ANKS1B: variants seen among roughly 807,000 people sequenced by gnomAD.
ANKS1B encodes the protein ankyrin repeat and sterile alpha motif domain-containing protein 1B.
In ANKS1B, 36 loss-of-function variants were observed where a neutral mutation model predicts 148.3. The ratio of observed to expected loss-of-function variants is 0.24; its 90% CI spans 0.19 to 0.32. ANKS1B has a LOEUF of 0.32. ANKS1B is among the 10% of genes least tolerant of loss of function. The pLI is 1.00. For missense variants in ANKS1B, 1,157 were observed against 1,542.6 expected (o/e 0.75, Z 4.19); for synonymous variants, 542 against 560.8 (o/e 0.97, Z 0.47).
At chr12:99,572,478 C>T (rs2097467705) in intron 9 of ANKS1B, among the ~76,000 whole-genome samples, 2 of 151,922 alleles carry the variant, frequency 1.3e-5, no homozygotes, top group Non-Finnish European at 2.9e-5. Context: ...AGATATAAGC[C>T]ATGCAATTTT....
chr12:98,912,112 C>T (rs1429542333), intron 17 of ANKS1B, among the ~76,000 whole-genome samples: 2 of 152,202 alleles, frequency 1.3e-5, no homozygotes, highest in Admixed American at 6.5e-5. Context: ...GTACTTACTT[C>T]TCACCAGAAC....
At chr12:98,928,323 G>A (rs779001960) in intron 17 of ANKS1B, among the ~76,000 whole-genome samples, 6 of 150,922 alleles carry the variant, frequency 4.0e-5, no homozygotes, top group South Asian at 2.1e-4. Flanking sequence ...AGAAGTCTAG[G>A]CCAAAATGGC....
chr12:98,946,300 A>G (rs2099845441), intron 17 of ANKS1B, among the ~76,000 whole-genome samples: 1 of 152,202 alleles, frequency 6.6e-6, no homozygotes, highest in Non-Finnish European at 1.5e-5. Context: ...AGGGAGGTGG[A>G]GCTCCTTCCC....
chr12:98,937,500 C>T (rs2099819909), intron 17 of ANKS1B, among the ~76,000 whole-genome samples: 1 of 152,066 alleles, frequency 6.6e-6, no homozygotes, highest in African/African-American at 2.4e-5. Context: ...TTTGCTTATA[C>T]TACTCTTTTT....
At chr12:99,538,602 T>C (rs1039486041) in intron 9 of ANKS1B, among the ~76,000 whole-genome samples, 2 of 152,214 alleles carry the variant, frequency 1.3e-5, no homozygotes, top group African/African-American at 4.8e-5. Flanking sequence ...TAATTTTGTA[T>C]CCTGCTACTT....
chr12:99,414,741 T>A (rs920831958), intron 11 of ANKS1B, among the ~76,000 whole-genome samples: 1 of 152,160 alleles, frequency 6.6e-6, no homozygotes, highest in Non-Finnish European at 1.5e-5. Flanking sequence ...AAATGATGTG[T>A]TGATGGGTGC....
chr12:99,552,807 C>T (rs957703712), intron 9 of ANKS1B, among the ~76,000 whole-genome samples: 3 of 152,144 alleles, frequency 2.0e-5, no homozygotes, highest in Admixed American at 6.5e-5. Flanking sequence ...AACATGCTCA[C>T]GTATACTTTA....
intron 14 of ANKS1B, among the ~76,000 whole-genome samples, chr12:99,236,913 C>G (rs569432559): frequency 1.2e-4 from 18 of 152,172 alleles, no homozygotes; most frequent in African/African-American, 4.1e-4. Flanking sequence ...AACACATGGA[C>G]ACACAGAGGG....
At chr12:99,633,609 T>C (rs1270802307) in intron 9 of ANKS1B, among the ~76,000 whole-genome samples, 1 of 152,118 alleles carries the variant, frequency 6.6e-6, no homozygotes, top group East Asian at 1.9e-4. Flanking sequence ...CCAAAAGCAA[T>C]GGCAATAAAA....
At chr12:99,334,779 TC>T (rs2088426777) in intron 12 of ANKS1B, among the ~76,000 whole-genome samples, 2 of 152,150 alleles carry the variant, frequency 1.3e-5, no homozygotes, top group Non-Finnish European at 2.9e-5. Flanking sequence ...ATAAATTTTT[TC>T]TTCCTTTACG....
At chr12:99,753,483 C>T (rs769954838) in intron 8 of ANKS1B, among the ~76,000 whole-genome samples, 43 of 152,168 alleles carry the variant, frequency 2.8e-4, no homozygotes, top group Middle Eastern at 3.4e-3. Flanking sequence ...TAAAATAAGG[C>T]TCAATATTGT....
At chr12:99,546,862 A>C (rs2097176814) in intron 9 of ANKS1B, among the ~76,000 whole-genome samples, 1 of 152,182 alleles carries the variant, frequency 6.6e-6, no homozygotes, top group African/African-American at 2.4e-5. Context: ...AATTAGTTCC[A>C]GGGTACATGC....
chr12:99,366,563 G>A (rs2092780612), intron 12 of ANKS1B, among the ~76,000 whole-genome samples: 1 of 152,084 alleles, frequency 6.6e-6, no homozygotes, highest in South Asian at 2.1e-4. Flanking sequence ...TAGAAATTGG[G>A]TATATGACAA....
intron 9 of ANKS1B, among the ~76,000 whole-genome samples, chr12:99,518,708 T>C (rs2153052407): frequency 6.6e-6 from 1 of 152,228 alleles, no homozygotes; most frequent in Middle Eastern, 3.4e-3. Flanking sequence ...TTGTATGGAT[T>C]TCTTCATCTC....
At chr12:99,651,166 C>T (rs1367982298) in intron 9 of ANKS1B, among the ~76,000 whole-genome samples, 1 of 151,904 alleles carries the variant, frequency 6.6e-6, no homozygotes, top group African/African-American at 2.4e-5. Context: ...ACCAGTAGAC[C>T]CTCACAGCGC....
intron 17 of ANKS1B, among the ~76,000 whole-genome samples, chr12:98,926,669 A>G (rs1022363046): frequency 1.3e-5 from 2 of 152,194 alleles, no homozygotes; most frequent in Non-Finnish European, 2.9e-5. Flanking sequence ...ACGTTTTGGC[A>G]AATAGAGAAT....
intron 12 of ANKS1B, among the ~76,000 whole-genome samples, chr12:99,390,877 T>C (rs978199499): frequency 2.6e-5 from 4 of 152,168 alleles, no homozygotes; most frequent in African/African-American, 7.2e-5. Context: ...CTGCAGAGGC[T>C]AGGAAAGACA....
rs559274765 is a variant in ANKS1B at position 99,367,979 on chromosome 12, T to G, written c.1756+31652A>C. ...AAATGAAAATAGAAAAGTTAAATCC[T>G]AAAATTAAAAGGAAACCAGAATAAA... On this transcript the variant is annotated intron_variant, in intron 12 of 26. Coordinates refer to ENST00000683438, the MANE Select transcript of ANKS1B (RefSeq NM_001352186.2). Among the ~76,000 whole-genome samples the G allele has an allele frequency of 1.0e-3, 159 of 152,294 alleles. 2 individuals are homozygous for G. Among genetic ancestry groups the G allele is most frequent in the Admixed American group, 2.3e-3 (35 of 15,286 alleles).
At chr12:99,400,421 A>G (rs908078050) in intron 11 of ANKS1B, among the ~76,000 whole-genome samples, 1 of 145,796 alleles carries the variant, frequency 6.9e-6, no homozygotes, top group Non-Finnish European at 1.5e-5. Context: ...ATTTTAATTA[A>G]TCCCCAAATA....
Sources: gnomAD v4.1 joint callset for allele counts (sites outside exome capture counted in the v4.1 genomes callset) on GRCh38, gnomAD v4.1.1 for gene constraint, MANE v1.5 for transcripts, NCBI Gene and HGNC (gene_info 2026-07-23, HGNC 2026-07-21) for gene names.